The following PDGFD variants were observed in gnomAD, a reference collection of about 807,000 sequenced individuals.
The protein encoded by PDGFD is platelet-derived growth factor D.
PDGFD carries 30 observed loss-of-function variants against 44.7 expected under a neutral mutation model. The ratio of observed to expected loss-of-function variants is 0.67; its 90% CI spans 0.50 to 0.91. The LOEUF is 0.91. PDGFD is among the 40% of genes least tolerant of loss of function. PDGFD has a pLI of 0.00. For missense variants in PDGFD, 445 were observed against 457.8 expected, an observed-to-expected ratio of 0.97 and a Z score of 0.25; for synonymous variants, 173 against 168.4, an observed-to-expected ratio of 1.03 and a Z score of -0.21.
Position 103,943,607 on chromosome 11 carries a change from A to G in PDGFD, c.617T>C (p.Ile206Thr), listed in dbSNP as rs1858623751. The G allele has an allele frequency of 6.2e-7, 1 of 1,613,270 alleles. No homozygotes were observed. The highest frequency in any genetic ancestry group is 8.5e-7 in the Non-Finnish European group (1 of 1,179,538). The change falls in exon 5 of 7, where the codon ATT (isoleucine) becomes ACT (threonine). Residue 206 changes from isoleucine to threonine, a missense_variant. Ile to Thr is a moderately conservative substitution (Grantham distance 89). Coordinates refer to ENST00000393158, the MANE Select transcript of PDGFD (RefSeq NM_025208.5). ...NSPSVTDPTLIADALDKKIAE... is the reference protein window; with the variant it reads ...NSPSVTDPTLTADALDKKIAE... ...AATTTTTTTGTCCAGAGCATCCGCA[A>G]TCAGAGTGGGATCCGTTACTGATGG...
Position 103,963,413 on chromosome 11 carries a change from T to C in PDGFD, c.511-15689A>G, listed in dbSNP as rs1263175513. On this transcript the variant is annotated intron_variant, in intron 3 of 6. Transcript: ENST00000393158. ...GTTTCCTGGCTGGTCATTTCTATCA[T>C]CATTAGATAAAAGAATGTGTAATTT... is the stretch of plus-strand genomic sequence containing the variant. 5.3e-5 allele frequency among the ~76,000 whole-genome samples: 8 copies of C among 152,286 alleles called. No homozygotes were observed. In the South Asian group the frequency reaches 8.3e-4, roughly 16 times the overall value.
At chr11:103,974,630 C>T (rs1002437608) in intron 3 of PDGFD, among the ~76,000 whole-genome samples, 26 of 151,984 alleles carry the variant, frequency 1.7e-4, no homozygotes, top group Middle Eastern at 6.3e-3. Context: ...CCTCCCCTTG[C>T]CCCCCACCTC....
chr11:104,118,900 A>C (rs113351150), intron 1 of PDGFD, among the ~76,000 whole-genome samples: 2 of 91,208 alleles, frequency 2.2e-5, no homozygotes, highest in African/African-American at 8.8e-5. Flanking sequence ...TATGTATAAT[A>C]TTAAGTATAT....
intron 1 of PDGFD, among the ~76,000 whole-genome samples, chr11:104,008,460 T>C (rs1389376039): frequency 6.6e-6 from 1 of 152,178 alleles, no homozygotes; most frequent in African/African-American, 2.4e-5. Flanking sequence ...TTCAAACACA[T>C]ATTGTTTGGA....
intron 1 of PDGFD, among the ~76,000 whole-genome samples, chr11:104,060,785 C>A (rs983135362): frequency 6.6e-6 from 1 of 152,176 alleles, no homozygotes; most frequent in African/African-American, 2.4e-5. Context: ...ATAACTCATT[C>A]ATTTAAAGTA....
intron 3 of PDGFD, among the ~76,000 whole-genome samples, chr11:103,981,326 T>C (rs1206832380): frequency 6.6e-6 from 1 of 151,620 alleles, no homozygotes; most frequent in Non-Finnish European, 1.5e-5. Flanking sequence ...CCCCTAGACC[T>C]TGGAGTTTCC....
intron 1 of PDGFD, among the ~76,000 whole-genome samples, chr11:104,113,054 A>G (rs1373796009): frequency 6.6e-6 from 1 of 152,144 alleles, no homozygotes; most frequent in Non-Finnish European, 1.5e-5. Flanking sequence ...TAAGACCTAC[A>G]ATACCAAAAG....
chr11:104,148,044 A>G (rs1343920498), intron 1 of PDGFD, among the ~76,000 whole-genome samples: 2 of 152,238 alleles, frequency 1.3e-5, no homozygotes, highest in African/African-American at 4.8e-5. Flanking sequence ...TGTTTTTATT[A>G]GAAACTTTTC....
intron 1 of PDGFD, among the ~76,000 whole-genome samples, chr11:104,149,768 C>A (rs1862215903): frequency 6.6e-6 from 1 of 152,146 alleles, no homozygotes. Flanking sequence ...TAGCTCAGGG[C>A]ACAAGGCAGG....
At chr11:104,037,322 T>G (rs768971635) in intron 1 of PDGFD, 1 of 1,613,772 alleles carries the variant, frequency 6.2e-7, no homozygotes, top group Non-Finnish European at 8.5e-7. Flanking sequence ...AACCCTCCCT[T>G]GGCGGAAGCC....
At chr11:103,954,314 C>G (rs1017805149) in intron 3 of PDGFD, among the ~76,000 whole-genome samples, 1 of 152,212 alleles carries the variant, frequency 6.6e-6, no homozygotes, top group African/African-American at 2.4e-5. Context: ...AAAGAAATCC[C>G]TCTCCTGTCC....
chr11:103,956,158 C>T (rs981951472), intron 3 of PDGFD, among the ~76,000 whole-genome samples: 1 of 150,912 alleles, frequency 6.6e-6, no homozygotes, highest in African/African-American at 2.4e-5. Flanking sequence ...GTGTGCTGCA[C>T]CCATTAACTC....
At chr11:104,074,652 C>A (rs1297512670) in intron 1 of PDGFD, among the ~76,000 whole-genome samples, 3 of 152,152 alleles carry the variant, frequency 2.0e-5, no homozygotes. Flanking sequence ...CCAATATGAA[C>A]ACACTGCAAC....
At chr11:104,081,255 AC>A (rs1181032443) in intron 1 of PDGFD, among the ~76,000 whole-genome samples, 1 of 152,172 alleles carries the variant, frequency 6.6e-6, no homozygotes, top group Non-Finnish European at 1.5e-5. Context: ...ATTATTTCTT[AC>A]TTTTTTATGA....
chr11:104,100,781 C>T (rs1861365625), intron 1 of PDGFD, among the ~76,000 whole-genome samples: 1 of 152,182 alleles, frequency 6.6e-6, no homozygotes, highest in African/African-American at 2.4e-5. Context: ...CCCTGGGATG[C>T]AAGACTGGTT....
At chr11:104,045,726 A>G (rs149233665) in intron 1 of PDGFD, among the ~76,000 whole-genome samples, 1 of 143,566 alleles carries the variant, frequency 7.0e-6, no homozygotes, top group East Asian at 2.0e-4. Flanking sequence ...AAACACAAAT[A>G]ATGATGTTAG....
At chr11:104,019,649 CT>C (rs2134381031) in intron 1 of PDGFD, among the ~76,000 whole-genome samples, 1 of 152,130 alleles carries the variant, frequency 6.6e-6, no homozygotes, top group East Asian at 1.9e-4. Context: ...TGTTAAGATT[CT>C]TTCTGAAATA....
intron 1 of PDGFD, among the ~76,000 whole-genome samples, chr11:104,040,492 A>C (rs1172584797): frequency 6.6e-6 from 1 of 152,098 alleles, no homozygotes; most frequent in East Asian, 1.9e-4. Flanking sequence ...ATACTTAAAA[A>C]GGTCCTAATC....
intron 3 of PDGFD, among the ~76,000 whole-genome samples, chr11:103,958,062 ACT>A (rs905645521): frequency 6.6e-6 from 1 of 151,870 alleles, no homozygotes; most frequent in African/African-American, 2.4e-5. Flanking sequence ...AAAAAAAAAA[ACT>A]CTGTGATTAA....
Sources: gnomAD v4.1 joint callset for allele counts (sites outside exome capture counted in the v4.1 genomes callset) on GRCh38, gnomAD v4.1.1 for gene constraint, MANE v1.5 for transcripts, NCBI Gene and HGNC (gene_info 2026-07-23, HGNC 2026-07-21) for gene names.